CALN1: variants seen among roughly 807,000 people sequenced by gnomAD.
CALN1 encodes calneuron 1, also known as calcium-binding protein 8.
In CALN1, 17 loss-of-function variants were observed where a neutral mutation model predicts 30.6. The ratio of observed to expected loss-of-function variants is 0.56; its 90% CI spans 0.38 to 0.83. The LOEUF (loss-of-function observed/expected upper bound fraction) is 0.83, where lower values mean the gene tolerates loss of function less well. CALN1 is among the 40% of genes least tolerant of loss of function. The probability of loss-of-function intolerance (pLI) is 0.00; values close to 1 mark genes in which losing one functional copy is unlikely to be tolerated. For missense variants in CALN1, 291 were observed against 354.9 expected, an observed-to-expected ratio of 0.82 and a Z score of 1.45; for synonymous variants, 156 against 131.4, an observed-to-expected ratio of 1.19 and a Z score of -1.28.
At chr7:72,116,411 GGAGA>G (rs1807987552) in intron 3 of CALN1, among the ~76,000 whole-genome samples, 2 of 152,220 alleles carry the variant, frequency 1.3e-5, no homozygotes, top group South Asian at 2.1e-4. Flanking sequence ...AGGAGCTGGA[GGAGA>G]GAAAGATGAA....
chr7:72,366,098 T>G (rs554947688), intron 2 of CALN1, among the ~76,000 whole-genome samples: 1 of 152,298 alleles, frequency 6.6e-6, no homozygotes, highest in African/African-American at 2.4e-5. Flanking sequence ...TGTCTATTGA[T>G]GAGTGACTAA....
chr7:72,377,607 T>C (rs546519071), intron 2 of CALN1, among the ~76,000 whole-genome samples: 1 of 152,342 alleles, frequency 6.6e-6, no homozygotes, highest in African/African-American at 2.4e-5. Flanking sequence ...TTTGTTTGTT[T>C]AGCAACTTCT....
chr7:72,029,446 G>A (rs565459303), intron 4 of CALN1, among the ~76,000 whole-genome samples: 1 of 152,128 alleles, frequency 6.6e-6, no homozygotes, highest in South Asian at 2.1e-4. Context: ...TTCCTGGCCA[G>A]AACTCCTAAA....
chr7:72,413,228 TACAC>T (rs539870366), upstream of CALN1, among the ~76,000 whole-genome samples: 202 of 146,982 alleles, frequency 1.4e-3, no homozygotes, highest in Non-Finnish European at 2.4e-3. Flanking sequence ...TACACACATA[TACAC>T]TCACACACAC....
At chr7:72,427,146 C>T (rs968925948) in intron 1 of CALN1, among the ~76,000 whole-genome samples, 2 of 152,154 alleles carry the variant, frequency 1.3e-5, no homozygotes, top group Non-Finnish European at 2.9e-5. Flanking sequence ...CCATGCCTGA[C>T]TAATTTTAAA....
chr7:72,304,958 C>T (rs1445700797), intron 2 of CALN1, among the ~76,000 whole-genome samples: 1 of 152,186 alleles, frequency 6.6e-6, no homozygotes, highest in African/African-American at 2.4e-5. Context: ...GCTGGAATTT[C>T]CTCCACGTGG....
At chr7:72,316,032 T>C (rs1800419441) in intron 2 of CALN1, among the ~76,000 whole-genome samples, 1 of 151,934 alleles carries the variant, frequency 6.6e-6, no homozygotes, top group Non-Finnish European at 1.5e-5. Context: ...GCACCTGTAA[T>C]TCCAGCTCCT....
intron 5 of CALN1, among the ~76,000 whole-genome samples, chr7:71,966,936 A>C (rs1797558447): frequency 6.6e-6 from 1 of 152,230 alleles, no homozygotes; most frequent in Non-Finnish European, 1.5e-5. Flanking sequence ...GAATTCTGTC[A>C]GAACAACAGA....
At chr7:72,380,780 G>A (rs1463829985) in intron 2 of CALN1, among the ~76,000 whole-genome samples, 2 of 152,156 alleles carry the variant, frequency 1.3e-5, no homozygotes, top group Admixed American at 1.3e-4. Flanking sequence ...CCTCACCCAA[G>A]GCTGCAGTGA....
intron 2 of CALN1, among the ~76,000 whole-genome samples, chr7:72,284,138 T>A (rs1304325491): frequency 6.6e-6 from 1 of 151,986 alleles, no homozygotes; most frequent in East Asian, 1.9e-4. Context: ...AGAAAAATTT[T>A]AAAAATTTTA....
At chr7:72,483,186 T>A in the CALN1 span, among the ~76,000 whole-genome samples, 1 of 152,046 alleles carries the variant, frequency 6.6e-6, no homozygotes, top group Non-Finnish European at 1.5e-5. Context: ...TTGATTATGA[T>A]ATGCTTTGGT....
chr7:72,278,016 G>GA (rs376263573), intron 3 of CALN1, among the ~76,000 whole-genome samples: 2 of 136,282 alleles, frequency 1.5e-5, no homozygotes, highest in African/African-American at 5.3e-5. Flanking sequence ...TCCGGGGGGG[G>GA]GGGACTTGTT....
intron 3 of CALN1, among the ~76,000 whole-genome samples, chr7:72,271,575 A>ATATATATATATATAT (rs1554345806): frequency 2.1e-4 from 11 of 52,122 alleles, no homozygotes; most frequent in African/African-American, 1.5e-3. Flanking sequence ...AAAAAAAAAA[A>ATATATATATATATAT]ATATATATAT....
chr7:71,782,517 T>C lies in CALN1; in HGVS notation c.*5258A>G, dbSNP rs1312809618. ...TACCCAGTGTTAAGGTATTCCTTTA[T>C]AGCAATGCAAAACGGACTAACATAC... On this transcript the variant is annotated 3_prime_UTR_variant, in exon 7 of 7. Transcript: ENST00000395275. 3 of 152,284 alleles carry C rather than the reference T, an allele frequency of 2.0e-5. No homozygotes were observed. The highest frequency in any genetic ancestry group is 1.9e-4 in the East Asian group (1 of 5,172). The allele number at this position is 152,284 out of a possible 1,614,324, so 9.4% of individuals were successfully genotyped here.
intron 5 of CALN1, among the ~76,000 whole-genome samples, chr7:71,944,623 A>G (rs914996398): frequency 2.7e-5 from 4 of 150,686 alleles, no homozygotes; most frequent in African/African-American, 9.7e-5. Flanking sequence ...AAAAAGAAAG[A>G]AAACATTTCT....
At chr7:72,308,809 A>C (rs780183184) in intron 2 of CALN1, among the ~76,000 whole-genome samples, 3 of 152,188 alleles carry the variant, frequency 2.0e-5, no homozygotes, top group Non-Finnish European at 2.9e-5. Flanking sequence ...ACTTGGGTGA[A>C]GAACTTTCAT....
intron 3 of CALN1, among the ~76,000 whole-genome samples, chr7:72,151,282 T>C (rs1200026136): frequency 6.6e-6 from 1 of 152,150 alleles, no homozygotes; most frequent in Non-Finnish European, 1.5e-5. Context: ...TGGCAATCTT[T>C]AGCGTTCCTT....
intron 2 of CALN1, among the ~76,000 whole-genome samples, chr7:72,340,430 A>C (rs1802327121): frequency 6.6e-6 from 1 of 151,580 alleles, no homozygotes; most frequent in Admixed American, 6.6e-5. Flanking sequence ...GCTTTCATGG[A>C]TTGATTTATG....
chr7:72,174,755 G>C (rs1401074343), intron 3 of CALN1, among the ~76,000 whole-genome samples: 3 of 152,194 alleles, frequency 2.0e-5, no homozygotes, highest in Non-Finnish European at 4.4e-5. Flanking sequence ...TGACAACATG[G>C]AGGAAGGAAG....
Sources: allele counts gnomAD v4.1 joint callset (sites outside exome capture counted in the v4.1 genomes callset), GRCh38; gene constraint gnomAD v4.1.1; transcripts MANE v1.5; gene names NCBI Gene and HGNC (gene_info 2026-07-23, HGNC 2026-07-21).